IQSEC3: variants seen among roughly 807,000 people sequenced by gnomAD.
IQSEC3 encodes IQ motif and SEC7 domain-containing protein 3.
IQSEC3 carries 50 observed loss-of-function variants against 105.4 expected under a neutral mutation model. The observed-to-expected ratio is 0.47, with a 90% CI of 0.38 to 0.60. IQSEC3 has a LOEUF of 0.60. IQSEC3 is among the 20% of genes least tolerant of loss of function. The pLI is 0.00. For missense variants in IQSEC3, 1,415 were observed against 1,630.0 expected, an observed-to-expected ratio of 0.87 and a Z score of 2.27; for synonymous variants, 708 against 746.0, an observed-to-expected ratio of 0.95 and a Z score of 0.83.
intron 2 of IQSEC3, 24 bp downstream of exon 2, chr12:99,238 CT>C: frequency 6.3e-7 from 1 of 1,591,554 alleles, no homozygotes; most frequent in Non-Finnish European, 8.5e-7. Context: ...CCCTTCCTCC[CT>C]TCCGCATCCC....
At chr12:129,693 G>C (rs961063943) in intron 3 of IQSEC3, among the ~76,000 whole-genome samples, 5 of 152,138 alleles carry the variant, frequency 3.3e-5, no homozygotes, top group Admixed American at 3.3e-4. Context: ...GCCCTTCTTA[G>C]CCATCTGAAT....
intron 2 of IQSEC3, among the ~76,000 whole-genome samples, chr12:110,311 C>G (rs900362428): frequency 2.0e-5 from 3 of 152,088 alleles, no homozygotes; most frequent in African/African-American, 7.2e-5. Flanking sequence ...TGTCACAGAA[C>G]TAAGTCCTAA....
intron 3 of IQSEC3, among the ~76,000 whole-genome samples, chr12:132,847 T>C (rs1865644606): frequency 6.6e-6 from 1 of 152,188 alleles, no homozygotes; most frequent in African/African-American, 2.4e-5. Flanking sequence ...ATTCCCATCA[T>C]TGTCACTGTC....
At chr12:85,639 C>T (rs561520795) in intron 1 of IQSEC3, among the ~76,000 whole-genome samples, 14 of 152,198 alleles carry the variant, frequency 9.2e-5, no homozygotes, top group Admixed American at 3.9e-4. Flanking sequence ...TGAGCATGGC[C>T]GAAAAGGAAG....
rs1265872930 is a variant in IQSEC3 at position 176,327 on chromosome 12, C to T, written c.*1294C>T. 2 of 152,434 alleles carry T rather than the reference C, an allele frequency of 1.3e-5. No individual in the cohort carries two copies. The highest frequency in any genetic ancestry group is 3.9e-4 in the East Asian group (2 of 5,176). 9.4% of individuals were successfully genotyped at this position (152,434 alleles called of 1,614,324 possible). A position where few individuals can be genotyped will look rare whatever the true frequency, so the allele number is the denominator to read the frequency against. ...CCCCAGCCAGACGAGAGGCAGCCAC[C>T]CCAGAGACCACAGGAGCCGTACCAT... On this transcript the variant is annotated 3_prime_UTR_variant, in exon 14 of 14. Coordinates refer to ENST00000538872, the MANE Select transcript of IQSEC3 (RefSeq NM_001170738.2). This position sits in a 1 kb window ranked among gnomAD's most constrained non-coding sequence, Gnocchi z 4.0.
chr12:121,020 AAG>A (rs1297630227), intron 2 of IQSEC3, among the ~76,000 whole-genome samples: 104 of 152,256 alleles, frequency 6.8e-4, no homozygotes, highest in African/African-American at 2.2e-3. Flanking sequence ...TCTGCAGCCT[AAG>A]AGAGTGGAGA....
intron 1 of IQSEC3, among the ~76,000 whole-genome samples, chr12:86,981 C>T (rs1213049254): frequency 2.0e-5 from 3 of 152,054 alleles, no homozygotes; most frequent in African/African-American, 7.2e-5. Context: ...GAAATTCCTT[C>T]CCCAAAGTGT....
intron 5 of IQSEC3, chr12:143,826 C>CGTGTGTGT (rs111698246): frequency 0.026 from 3,795 of 147,478 alleles, 68 homozygotes; most frequent in Middle Eastern, 0.053. Flanking sequence ...GCTGGGCACC[C>CGTGTGTGT]GTGTGTGTGT....
rs1238196926 is a variant in IQSEC3, at chr12:142,824, C to G, written c.2153+1539C>G. ...CTCACGCCCTTCCTTTTCTGTGTCC[C>G]CTAGTTGGCTCATCTCTCTGGCTTT... is the stretch of plus-strand genomic sequence containing the variant. On this transcript the variant is annotated intron_variant, in intron 5 of 13. Coordinates refer to ENST00000538872, the MANE Select transcript of IQSEC3 (RefSeq NM_001170738.2). Among the ~76,000 whole-genome samples, 4 of 152,150 alleles carry G rather than the reference C, an allele frequency of 2.6e-5. No homozygotes were observed. The East Asian group carries it at 7.7e-4, about 29-fold the overall frequency.
At chr12:92,366 A>G (rs1864114926) in intron 1 of IQSEC3, among the ~76,000 whole-genome samples, 1 of 152,172 alleles carries the variant, frequency 6.6e-6, no homozygotes, top group Non-Finnish European at 1.5e-5. Context: ...CAGAACTCGC[A>G]GGGCCACAGC....
At chr12:134,973 T>C (rs147411178) in intron 3 of IQSEC3, among the ~76,000 whole-genome samples, 1 of 152,074 alleles carries the variant, frequency 6.6e-6, no homozygotes, top group African/African-American at 2.4e-5. Flanking sequence ...CTTAAAAAAA[T>C]ACAAAAATTA....
At chr12:110,356 C>T (rs1864839787) in intron 2 of IQSEC3, among the ~76,000 whole-genome samples, 1 of 151,848 alleles carries the variant, frequency 6.6e-6, no homozygotes, top group Admixed American at 6.6e-5. Flanking sequence ...TGGACCTAAT[C>T]CTGAATATTT....
At chr12:129,042 G>T (rs1468549071) in intron 3 of IQSEC3, among the ~76,000 whole-genome samples, 1 of 152,148 alleles carries the variant, frequency 6.6e-6, no homozygotes, top group African/African-American at 2.4e-5. Flanking sequence ...ACCTGTCCCC[G>T]ACCCCATCTG....
chr12:161,813 A>T, intron 7 of IQSEC3, 113 bp from the exon 8 acceptor site: 1 of 1,103,500 alleles, frequency 9.1e-7, no homozygotes, highest in Non-Finnish European at 1.3e-6. Flanking sequence ...GCAAGAACCA[A>T]GGCCACCCCC....
In IQSEC3 at chr12:169,127, G is replaced by A. The variant is rs1034313034; in HGVS notation, c.3064+22G>A. The A allele has an allele frequency of 4.4e-6, 7 of 1,608,756 alleles. No individual in the cohort carries two copies. In the East Asian group the frequency reaches 1.6e-4, roughly 36 times the overall value. On this transcript the variant is annotated intron_variant, in intron 12 of 13. Coordinates refer to ENST00000538872, the MANE Select transcript of IQSEC3 (RefSeq NM_001170738.2). ...ACAGGTGAGCCTCGGCTCCGCTCAGGGCACCAGTCCCCATGGAGGCCACTC... is the reference window on the plus strand; with the variant it reads ...ACAGGTGAGCCTCGGCTCCGCTCAGAGCACCAGTCCCCATGGAGGCCACTC...
intron 12 of IQSEC3, among the ~76,000 whole-genome samples, chr12:170,752 C>G (rs1439757818): frequency 6.6e-6 from 1 of 152,254 alleles, no homozygotes; most frequent in Non-Finnish European, 1.5e-5. Flanking sequence ...AAGCGTGGCC[C>G]ACGCTCAAGG....
intron 3 of IQSEC3, among the ~76,000 whole-genome samples, chr12:128,894 A>C (rs1344771263): frequency 6.6e-6 from 1 of 152,144 alleles, no homozygotes; most frequent in Non-Finnish European, 1.5e-5. Context: ...TGTGCAGGAC[A>C]GAGGCCTCTC....
intron 5 of IQSEC3, chr12:141,492 G>A (rs1555089289): frequency 1.5e-5 from 8 of 541,248 alleles, no homozygotes; most frequent in South Asian, 3.2e-5. Flanking sequence ...GATTGAGTTC[G>A]CCCCAGGCCA....
At chr12:142,308 A>C (rs143133536) in intron 5 of IQSEC3, 1 of 152,024 alleles carries the variant, frequency 6.6e-6, no homozygotes, top group African/African-American at 2.4e-5. Context: ...TGGATATTTC[A>C]CTTCTATTTA....
Sources: allele counts gnomAD v4.1 joint callset (sites outside exome capture counted in the v4.1 genomes callset), GRCh38; gene constraint gnomAD v4.1.1; non-coding constraint Gnocchi (gnomAD v3.1); transcripts MANE v1.5; gene names NCBI Gene and HGNC (gene_info 2026-07-23, HGNC 2026-07-21).